Variants in CHD1L observed in about 807,000 individuals in gnomAD.
CHD1L encodes the protein chromodomain helicase DNA binding protein 1 like, also known as ATP-dependent chromatin remodeler CHD1L.
In CHD1L, 118 loss-of-function variants were observed where a neutral mutation model predicts 115.9. The ratio of observed to expected loss-of-function variants is 1.02; its 90% CI spans 0.88 to 1.19. The LOEUF is 1.19. CHD1L is among the 50% of genes most tolerant of loss of function. The pLI, the probability that CHD1L is intolerant of heterozygous loss-of-function variation, is 0.00. For synonymous variants in CHD1L, 411 were observed against 387.1 expected (o/e 1.06, Z -0.72); for missense variants, 1,179 against 1,065.3 (o/e 1.11, Z -1.49).
chr1:147,225,257 A>G, the CHD1L span: 23 of 1,189,564 alleles, frequency 1.9e-5, 1 homozygote, highest in Admixed American at 5.1e-4. Flanking sequence ...CCCAGAGCTG[A>G]GAGTGCTCTG....
At chr1:147,200,574 T>G in the CHD1L span, among the ~76,000 whole-genome samples, 7 of 122,928 alleles carry the variant, frequency 5.7e-5, no homozygotes, top group East Asian at 1.5e-3. Flanking sequence ...TTCTACTGAC[T>G]CATATGAAAC....
chr1:147,238,117 T>C (rs1437665152), upstream of CHD1L, among the ~76,000 whole-genome samples: 1 of 152,206 alleles, frequency 6.6e-6, no homozygotes, highest in Admixed American at 6.5e-5. Flanking sequence ...AGAGGTATAC[T>C]GGCATCAAAA....
At chr1:147,263,462 A>T (rs1559779511) in intron 6 of CHD1L, among the ~76,000 whole-genome samples, 1 of 151,760 alleles carries the variant, frequency 6.6e-6, no homozygotes, top group Non-Finnish European at 1.5e-5. Context: ...CATACACAAG[A>T]TGTCAAGATA....
intron 20 of CHD1L, among the ~76,000 whole-genome samples, chr1:147,291,808 A>G (rs1201096389): frequency 2.0e-5 from 3 of 152,136 alleles, no homozygotes; most frequent in African/African-American, 7.2e-5. Context: ...GATGGCGGTC[A>G]TCTTGCTGTG....
In CHD1L at chr1:147,267,481, G is replaced by A; in HGVS notation, c.951G>A (p.Gln317=). 6.2e-7 allele frequency: 1 copy of A among 1,612,622 alleles called. No individual in the cohort carries two copies. Among genetic ancestry groups the A allele is most frequent in the Non-Finnish European group, 8.5e-7 (1 of 1,179,260 alleles). ...KKVKLQNILS[Q]LRKCVDHPYL... ...TTAAACTACAGAACATTTTGTCCCA[G>A]CTTCGAAAGTGTGTGGATCACCCAT... is the stretch of plus-strand genomic sequence containing the variant. Residue 317 remains glutamine (Q), a synonymous_variant, in exon 9 of 23, where the codon CAG becomes CAA. Coordinates refer to ENST00000369258, the MANE Select transcript of CHD1L (RefSeq NM_004284.6).
chr1:147,228,984 C>A, the CHD1L span, among the ~76,000 whole-genome samples: 1 of 152,232 alleles, frequency 6.6e-6, no homozygotes, highest in East Asian at 1.9e-4. Flanking sequence ...ATGGTAGTTT[C>A]TTTTGCTGTG....
chr1:147,286,979 C>CCCT (rs1683410793), intron 18 of CHD1L, among the ~76,000 whole-genome samples: 1 of 151,766 alleles, frequency 6.6e-6, no homozygotes. Context: ...CCCCATCCCC[C>CCCT]CTGTTATTCT....
At chr1:147,279,712 G>A (rs887262861) in intron 14 of CHD1L, among the ~76,000 whole-genome samples, 15 of 152,050 alleles carry the variant, frequency 9.9e-5, no homozygotes, top group African/African-American at 3.6e-4. Flanking sequence ...TCAGTGAGAG[G>A]TGCTGTAGAA....
At chr1:147,218,427 C>CA in the CHD1L span, among the ~76,000 whole-genome samples, 1 of 151,622 alleles carries the variant, frequency 6.6e-6, no homozygotes, top group South Asian at 2.1e-4. Context: ...TTAGTAGAGA[C>CA]GGGTTTCACC....
chr1:147,214,276 AC>A, the CHD1L span, among the ~76,000 whole-genome samples: 1 of 151,950 alleles, frequency 6.6e-6, no homozygotes, highest in East Asian at 1.9e-4. Context: ...ACATGGCGAA[AC>A]CCCGTCTCTA....
chr1:147,249,316 GTGT>G (rs1163859943), intron 1 of CHD1L, among the ~76,000 whole-genome samples: 1 of 150,778 alleles, frequency 6.6e-6, no homozygotes, highest in African/African-American at 2.4e-5. Flanking sequence ...TTTAAGTAAG[GTGT>G]TGTTTGTTTT....
At chr1:147,232,691 G>C in the CHD1L span, among the ~76,000 whole-genome samples, 1 of 152,166 alleles carries the variant, frequency 6.6e-6, no homozygotes, top group Non-Finnish European at 1.5e-5. Context: ...GGTGGAGATG[G>C]GGTTTCGCTG....
At chr1:147,290,315 G>A (rs1317148090) in intron 19 of CHD1L, among the ~76,000 whole-genome samples, 1 of 151,966 alleles carries the variant, frequency 6.6e-6, no homozygotes, top group Non-Finnish European at 1.5e-5. Context: ...AAACTCCTGA[G>A]CTCAAGTGGT....
the CHD1L span, among the ~76,000 whole-genome samples, chr1:147,214,465 A>AG: frequency 0.012 from 1 of 86 alleles, no homozygotes; most frequent in Non-Finnish European, 0.025. Context: ...AAAACAAAAA[A>AG]CAAAAAAAAA....
intron 11 of CHD1L, 176 bp downstream of exon 11, chr1:147,271,181 G>A: frequency 1.9e-6 from 1 of 533,822 alleles, no homozygotes; most frequent in Non-Finnish European, 3.3e-6. Context: ...GGCAAGGATG[G>A]ACAGCAGAGA....
the CHD1L span, among the ~76,000 whole-genome samples, chr1:147,235,998 A>T: frequency 6.6e-6 from 1 of 152,184 alleles, no homozygotes; most frequent in Non-Finnish European, 1.5e-5. Flanking sequence ...ATGCCAGCCA[A>T]GGGCCAGCCA....
chr1:147,222,112 G>A, the CHD1L span, among the ~76,000 whole-genome samples: 1 of 152,188 alleles, frequency 6.6e-6, no homozygotes, highest in East Asian at 1.9e-4. Context: ...GCTCATGCCT[G>A]TAATCCCCAC....
the CHD1L span, among the ~76,000 whole-genome samples, chr1:147,226,398 A>G: frequency 1.3e-5 from 2 of 152,216 alleles, no homozygotes; most frequent in African/African-American, 4.8e-5. Flanking sequence ...AGATTAGTGG[A>G]GGAGACCAAA....
At chr1:147,224,268 C>G in the CHD1L span, 1 of 208,570 alleles carries the variant, frequency 4.8e-6, no homozygotes, top group African/African-American at 2.3e-5. Flanking sequence ...AATGGGGAGG[C>G]AATGTCCTGG....
Sources: gnomAD v4.1 joint callset for allele counts (sites outside exome capture counted in the v4.1 genomes callset) on GRCh38, gnomAD v4.1.1 for gene constraint, MANE v1.5 for transcripts, NCBI Gene and HGNC (gene_info 2026-07-23, HGNC 2026-07-21) for gene names.